JAK3: variants seen among roughly 807,000 people sequenced by gnomAD.
JAK3 encodes the protein tyrosine-protein kinase JAK3.
JAK3 carries 88 observed loss-of-function variants against 120.8 expected under a neutral mutation model. The observed-to-expected ratio is 0.73, with a 90% CI of 0.61 to 0.87. The LOEUF (loss-of-function observed/expected upper bound fraction) is 0.87. Ranked by LOEUF, JAK3 falls within the 40% of genes least tolerant of loss-of-function variation. The pLI is 0.00. For synonymous variants in JAK3, 592 were observed against 628.6 expected (o/e 0.94, Z 0.87); for missense variants, 1,254 against 1,501.4 (o/e 0.84, Z 2.72).
intron 13 of JAK3, 154 bp downstream of exon 13, chr19:17,836,975 G>A (rs1054999274): frequency 2.9e-6 from 2 of 700,658 alleles, no homozygotes; most frequent in Middle Eastern, 3.6e-4. Context: ...AGTGATGATG[G>A]AGAGACATAA....
chr19:17,833,542 G>GAAAAAAAAAAAAAAAAAAAAAAAAA (rs58330868), intron 17 of JAK3, among the ~76,000 whole-genome samples: 1 of 74,634 alleles, frequency 1.3e-5, no homozygotes, highest in Non-Finnish European at 2.7e-5. Context: ...CCCCATCACA[G>GAAAAAAAAAAAAAAAAAAAAAAAAA]AAAAAAAAAA....
In JAK3 at chr19:17,832,451, G is replaced by T; in HGVS notation, c.2680+68C>A. On this transcript the variant is annotated intron_variant, in intron 19 of 23. Coordinates refer to ENST00000458235, the MANE Select transcript of JAK3 (RefSeq NM_000215.4). This position sits in a 1 kb window ranked among gnomAD's most constrained non-coding sequence, Gnocchi z 4.7. ...CAGCCTACCTAAAGTGGCCTGGCAG[G>T]AGGGTAAGAATGTGCACTTTGAAAA... 2.0e-6 allele frequency: 3 copies of T among 1,511,280 alleles called. No homozygotes were observed. Among genetic ancestry groups the T allele is most frequent in the Non-Finnish European group, 2.8e-6 (3 of 1,087,112 alleles). 93.6% of individuals were successfully genotyped at this position (1,511,280 alleles called of 1,614,324 possible). A position where few individuals can be genotyped will look rare whatever the true frequency, so the allele number is the denominator to read the frequency against.
Position 17,842,170 on chromosome 19 carries a change from C to T in JAK3, c.861+146G>A. 1 of 917,380 alleles carries T rather than the reference C, an allele frequency of 1.1e-6. No homozygotes were observed. Among genetic ancestry groups the T allele is most frequent in the South Asian group, 1.8e-5 (1 of 56,658 alleles). The allele number at this position is 917,380 out of a possible 1,614,324, so 56.8% of individuals were successfully genotyped here. ...CCCTCCCATTCCCGCAGTCTCCTCC[C>T]TCACTAAGCCCCGCCCCTCATTAAG... On this transcript the variant is annotated intron_variant, in intron 6 of 23. Transcript: ENST00000458235. This position sits in a 1 kb window ranked among gnomAD's most constrained non-coding sequence, Gnocchi z 6.4.
Position 17,835,145 on chromosome 19 carries a change from C to T in JAK3, c.1985G>A (p.Gly662Glu), listed in dbSNP as rs201417941. 1.2e-6 allele frequency: 2 copies of T among 1,614,210 alleles called. No individual in the cohort carries two copies. Among genetic ancestry groups the T allele is most frequent in the South Asian group, 1.1e-5 (1 of 91,086 alleles). ...KVLLAREGAD[G>E]SPPFIKLSDP... The stretch of plus-strand genomic sequence containing the variant: ...ACTCAGCTTGATGAAGGGCGGGCTC[C>T]CATCAGCCCCCTCCCGAGCCAGGAG... Residue 662 changes from glycine to glutamate, a missense_variant, in exon 15 of 24, where the codon GGG becomes GAG. This residue lies in a region of JAK3 where 630 missense variants were observed against 819.8 expected (regional missense o/e 0.77). Transcript: ENST00000458235.
chr19:17,844,088 C>T (rs1463167076), intron 2 of JAK3, 146 bp downstream of exon 2: 5 of 1,143,602 alleles, frequency 4.4e-6, no homozygotes, highest in Non-Finnish European at 2.5e-6. Flanking sequence ...CAACCCTGCA[C>T]ACCCTTCTCC....
chr19:17,843,565 G>T lies in JAK3; in HGVS notation c.309-74C>A. ...GTAGGAGTGACATTATGGTGGGGGC[G>T]AGGGACAGATTCTGCGGAGGCCTCA... On this transcript the variant is annotated intron_variant, in intron 3 of 23. Coordinates refer to ENST00000458235, the MANE Select transcript of JAK3 (RefSeq NM_000215.4). This position sits in a 1 kb window ranked among gnomAD's most constrained non-coding sequence, Gnocchi z 5.4. 1 of 1,236,300 alleles carries T rather than the reference G, an allele frequency of 8.1e-7. No individual in the cohort carries two copies. Among genetic ancestry groups the T allele is most frequent in the Non-Finnish European group, 1.2e-6 (1 of 852,332 alleles). The allele number at this position is 1,236,300 out of a possible 1,614,324, so 76.6% of individuals were successfully genotyped here. A position where few individuals can be genotyped will look rare whatever the true frequency, so the allele number is the denominator to read the frequency against.
rs1310557168 is a variant in JAK3 at position 17,841,426 on chromosome 19, G to C, written c.1105C>G (p.Leu369Val). 1 of 1,553,592 alleles carries C rather than the reference G, an allele frequency of 6.4e-7. No homozygotes were observed. The highest frequency in any genetic ancestry group is 1.2e-5 in the South Asian group (1 of 84,430). The change falls in exon 8 of 24, where the codon CTG becomes GTG. Residue 369 changes from leucine to valine, a missense_variant. Physicochemically the swap from Leu to Val is conservative, Grantham distance 32. Transcript: ENST00000458235. The surrounding 1 kb of genome is among the most constrained non-coding windows in gnomAD (Gnocchi z 4.1). The stretch of plus-strand genomic sequence containing the variant: ...TGGCACTGCTCGGCCACTTCCTCCA[G>C]CAGCCTCGGCGGTGCCACCTCCTTG... ...FCKEVAPPRL[L>V]EEVAEQCHGP...
chr19:17,840,154 CTGAT>C, intron 9 of JAK3, 72 bp downstream of exon 9: 1 of 987,774 alleles, frequency 1.0e-6, no homozygotes, highest in Non-Finnish European at 1.6e-6. Context: ...CAAATGCTGA[CTGAT>C]CTTTTAAATC....
chr19:17,845,739 A>G (rs555311210), intron 1 of JAK3, among the ~76,000 whole-genome samples: 1 of 152,234 alleles, frequency 6.6e-6, no homozygotes, highest in South Asian at 2.1e-4. Context: ...ACAGAGCAAG[A>G]CCTTATCTCT....
In JAK3 at chr19:17,841,622, G is replaced by A. The variant is rs531700541; in HGVS notation, c.984+18C>T. 2.5e-6 allele frequency: 4 copies of A among 1,613,662 alleles called. No individual in the cohort carries two copies. The African/African-American group carries it at 4.0e-5, about 16-fold the overall frequency. ...GCCCTCGGGGTAAGGCTGAAGGGGA[G>A]GGGAATCCTGCACCCACTAAAATCT... On this transcript the variant is annotated intron_variant, in intron 7 of 23. Coordinates refer to ENST00000458235, the MANE Select transcript of JAK3 (RefSeq NM_000215.4). This position sits in a 1 kb window ranked among gnomAD's most constrained non-coding sequence, Gnocchi z 4.1.
chr19:17,835,112 C>T lies in JAK3; in HGVS notation c.2018G>A (p.Gly673Glu), dbSNP rs774183456. Residue 673 changes from glycine to glutamate, a missense_variant, in exon 15 of 24, where the codon GGG becomes GAG. This residue lies in a region of JAK3 where 630 missense variants were observed against 819.8 expected (regional missense o/e 0.77). Transcript: ENST00000458235. ...SPPFIKLSDP[G>E]VSPAVLSLEM... ...CAGGCTTAACACAGCGGGGCTGACC[C>T]CAGGGTCACTCAGCTTGATGAAGGG... The T allele has an allele frequency of 1.2e-6, 2 of 1,614,212 alleles. No individual in the cohort carries two copies. Among genetic ancestry groups the T allele is most frequent in the Non-Finnish European group, 1.7e-6 (2 of 1,180,032 alleles).
chr19:17,840,598 C>T (rs2094235915), intron 8 of JAK3, among the ~76,000 whole-genome samples: 1 of 151,558 alleles, frequency 6.6e-6, no homozygotes, highest in Admixed American at 6.6e-5. Context: ...CCCGTCGCTA[C>T]TGAAAATACA....
chr19:17,829,119 C>A (rs993067569), intron 23 of JAK3, among the ~76,000 whole-genome samples: 7 of 151,832 alleles, frequency 4.6e-5, no homozygotes, highest in Admixed American at 4.6e-4. Context: ...CATAGCGAGA[C>A]CTTGTCTCTT....
chr19:17,837,300 G>A, intron 12 of JAK3, 87 bp from the exon 13 acceptor site: 1 of 1,009,458 alleles, frequency 9.9e-7, no homozygotes, highest in Non-Finnish European at 1.5e-6. Flanking sequence ...CTGCCTTAGG[G>A]GAACACCTGG....
chr19:17,839,347 A>ATCACCTT lies in JAK3; in HGVS notation c.1441+123_1441+129dup, dbSNP rs1014428406. 15 of 856,028 alleles carry ATCACCTT rather than the reference A, an allele frequency of 1.8e-5. No homozygotes were observed. The African/African-American group carries it at 2.3e-4, about 13-fold the overall frequency. 53.0% of individuals were successfully genotyped at this position (856,028 alleles called of 1,614,324 possible). On this transcript the variant is annotated intron_variant, in intron 10 of 23. Coordinates refer to ENST00000458235, the MANE Select transcript of JAK3 (RefSeq NM_000215.4). ...TATCTCTAACTTCCTGAGCCAACAA[A>ATCACCTT]TCACCTTTTCTTCCCTAACCCACCT...
chr19:17,828,225 CTTTGTTTTGT>C (rs71967621), intron 23 of JAK3, among the ~76,000 whole-genome samples: 62,691 of 136,804 alleles, frequency 0.46, 13,918 homozygotes, highest in Admixed American at 0.53. Flanking sequence ...ATAATTTTGT[CTTTGTTTTGT>C]TTTGTTTTGT....
At position 17,843,916 on chromosome 19, in the gene JAK3, C is replaced by T; in HGVS notation, c.185-16G>A. 3.7e-6 allele frequency: 6 copies of T among 1,613,248 alleles called. No individual in the cohort carries two copies. Among genetic ancestry groups the T allele is most frequent in the Non-Finnish European group, 5.1e-6 (6 of 1,179,826 alleles). ...GGCAGGATGCCTACAGGGGATGGTC[C>T]CATCAGCTCCCTCCTGAGTCACCCC... On this transcript the variant is annotated splice_polypyrimidine_tract_variant and intron_variant, in intron 2 of 23. Transcript: ENST00000458235. This position sits in a 1 kb window ranked among gnomAD's most constrained non-coding sequence, Gnocchi z 5.4.
chr19:17,828,243 T>C (rs2094207824), intron 23 of JAK3, among the ~76,000 whole-genome samples: 1 of 150,446 alleles, frequency 6.6e-6, no homozygotes, highest in South Asian at 2.1e-4. Context: ...TGTTTTGTTT[T>C]GTTTTGTTTT....
intron 23 of JAK3, 68 bp from the exon 24 acceptor site, chr19:17,826,978 G>T: frequency 6.5e-7 from 1 of 1,539,516 alleles, no homozygotes. Flanking sequence ...CCCATTCAGC[G>T]TATTTGTTTT....
Sources: allele counts gnomAD v4.1 joint callset (sites outside exome capture counted in the v4.1 genomes callset), GRCh38; gene constraint gnomAD v4.1.1; regional missense constraint gnomAD v4.1.1; non-coding constraint Gnocchi (gnomAD v3.1); transcripts MANE v1.5; gene names NCBI Gene and HGNC (gene_info 2026-07-23, HGNC 2026-07-21).